The following AVEN variants were observed in gnomAD, a reference collection of about 807,000 sequenced individuals.
AVEN encodes apoptosis and caspase activation inhibitor.
Under a neutral mutation model 38.1 loss-of-function variants are expected in AVEN, and 41 were observed. The ratio of observed to expected loss-of-function variants is 1.08; its 90% CI spans 0.84 to 1.40. The LOEUF is 1.40. AVEN is among the 40% of genes most tolerant of loss of function. The probability of loss-of-function intolerance (pLI) is 0.00; values close to 1 mark genes in which losing one functional copy is unlikely to be tolerated. For missense variants in AVEN, 605 were observed against 438.8 expected (o/e 1.38, Z -3.38); for synonymous variants, 206 against 171.8 (o/e 1.20, Z -1.56).
chr15:33,882,635 G>C (rs1416508625), intron 2 of AVEN, among the ~76,000 whole-genome samples: 1 of 152,092 alleles, frequency 6.6e-6, no homozygotes, highest in Non-Finnish European at 1.5e-5. Flanking sequence ...GGGAGGCTGA[G>C]GTGGAAGGAT....
chr15:33,870,975 G>C lies in AVEN; in HGVS notation c.572C>G (p.Pro191Arg). ...ELLVRALQEL[P>R]LCLRLNVAAE... ...AGCAACGTTGAGTCGGAGGCAGAGA[G>C]GCAGCTCTTGAAGGGCTCGAACCAA... The change falls in exon 4 of 6, where the codon CCT (proline) becomes CGT (arginine). Residue 191 changes from proline (P) to arginine (R), a missense_variant. Coordinates refer to ENST00000306730, the MANE Select transcript of AVEN (RefSeq NM_020371.3). The C allele has an allele frequency of 1.2e-6, 2 of 1,611,386 alleles. No individual in the cohort carries two copies. Among genetic ancestry groups the C allele is most frequent in the South Asian group, 1.1e-5 (1 of 90,690 alleles).
chr15:33,996,888 G>A lies in AVEN; in HGVS notation c.445+6144C>T, dbSNP rs934198099. ...AGCTGACAGAAGTAGGCTTCGGAAG[G>A]CTGGTAATAACAAACTTCTCCCAGC... On this transcript the variant is annotated intron_variant, in intron 2 of 5. Transcript: ENST00000306730. Among the ~76,000 whole-genome samples the A allele has an allele frequency of 2.6e-5, 4 of 152,186 alleles. No homozygotes were observed. The South Asian group carries it at 8.3e-4, about 31-fold the overall frequency.
chr15:33,899,319 T>C (rs1224422530), intron 2 of AVEN, among the ~76,000 whole-genome samples: 1 of 152,152 alleles, frequency 6.6e-6, no homozygotes, highest in Non-Finnish European at 1.5e-5. Flanking sequence ...TACCATATGG[T>C]AGTAGAACTA....
chr15:33,912,407 A>G (rs763336679), intron 2 of AVEN, among the ~76,000 whole-genome samples: 2 of 152,252 alleles, frequency 1.3e-5, no homozygotes, highest in African/African-American at 2.4e-5. Context: ...AGGAAAGAGT[A>G]TGAAATAACC....
chr15:33,875,904 T>C, intron 3 of AVEN, 21 bp downstream of exon 3: 1 of 1,607,396 alleles, frequency 6.2e-7, no homozygotes, highest in South Asian at 1.1e-5. Context: ...CAGTCCACAC[T>C]TAACACAACT....
intron 1 of AVEN, among the ~76,000 whole-genome samples, chr15:34,013,668 T>C (rs1897735440): frequency 6.6e-6 from 1 of 152,110 alleles, no homozygotes; most frequent in African/African-American, 2.4e-5. Flanking sequence ...AGTAAACATA[T>C]ATAGTGTGAT....
chr15:34,025,486 GT>G (rs1455093080), intron 1 of AVEN, among the ~76,000 whole-genome samples: 1 of 152,174 alleles, frequency 6.6e-6, no homozygotes, highest in Non-Finnish European at 1.5e-5. Context: ...ACTCTCTTAA[GT>G]GTCCCTTCAT....
At chr15:34,023,522 C>G (rs1380807902) in intron 1 of AVEN, among the ~76,000 whole-genome samples, 1 of 152,206 alleles carries the variant, frequency 6.6e-6, no homozygotes, top group African/African-American at 2.4e-5. Context: ...AAAGCCTGGT[C>G]ATTCATTCTT....
At chr15:33,857,047 C>G (rs2079753123), downstream of AVEN, among the ~76,000 whole-genome samples, 1 of 152,156 alleles carries the variant, frequency 6.6e-6, no homozygotes, top group South Asian at 2.1e-4. Flanking sequence ...TAACAAAACA[C>G]AATGTATCCC....
At chr15:33,873,389 T>A (rs1891079386) in intron 3 of AVEN, among the ~76,000 whole-genome samples, 1 of 150,310 alleles carries the variant, frequency 6.7e-6, no homozygotes, top group Admixed American at 6.6e-5. Flanking sequence ...CGTGAGCCAC[T>A]GCGCCCGCCC....
At chr15:34,015,351 C>T (rs1039030273) in intron 1 of AVEN, among the ~76,000 whole-genome samples, 13 of 151,892 alleles carry the variant, frequency 8.6e-5, no homozygotes, top group African/African-American at 1.9e-4. Flanking sequence ...GGTGCGGTGG[C>T]GGGCACCTGT....
intron 2 of AVEN, among the ~76,000 whole-genome samples, chr15:33,980,459 C>G (rs1037441302): frequency 7.2e-5 from 11 of 152,182 alleles, no homozygotes; most frequent in Non-Finnish European, 1.3e-4. Context: ...TGCTGCCTCC[C>G]AGGCAACACG....
At chr15:34,000,674 T>C (rs180816787) in intron 2 of AVEN, among the ~76,000 whole-genome samples, 103 of 152,296 alleles carry the variant, frequency 6.8e-4, no homozygotes, top group Non-Finnish European at 1.1e-3. Context: ...GAGAATGAAG[T>C]TGACCTCTCG....
At chr15:33,919,854 T>C (rs1352361867) in intron 2 of AVEN, among the ~76,000 whole-genome samples, 3 of 152,208 alleles carry the variant, frequency 2.0e-5, no homozygotes, top group Non-Finnish European at 4.4e-5. Flanking sequence ...TCCAACAGAT[T>C]TCCATTCATA....
chr15:34,053,432 T>C (rs139907310), intron 5 of AVEN, among the ~76,000 whole-genome samples: 1,698 of 149,266 alleles, frequency 0.011, 41 homozygotes, highest in African/African-American at 0.04. Context: ...CAAACTGTAC[T>C]ACAAGGCTAC....
intron 2 of AVEN, among the ~76,000 whole-genome samples, chr15:34,069,140 G>A (rs1053197464): frequency 2.0e-5 from 3 of 151,872 alleles, no homozygotes; most frequent in Admixed American, 6.5e-5. Context: ...AAACAATTTC[G>A]GCTGGGCGCG....
intron 1 of AVEN, among the ~76,000 whole-genome samples, chr15:34,012,050 A>G (rs886711147): frequency 1.3e-5 from 2 of 152,182 alleles, no homozygotes; most frequent in African/African-American, 4.8e-5. Context: ...TGAGCTTCTT[A>G]TAAGAATTTG....
intron 2 of AVEN, among the ~76,000 whole-genome samples, chr15:33,909,286 C>T (rs1160983122): frequency 6.6e-6 from 1 of 152,006 alleles, no homozygotes; most frequent in Non-Finnish European, 1.5e-5. Flanking sequence ...CACAGGCTGG[C>T]AATTCAGAGA....
chr15:34,025,995 T>C (rs1898451547), intron 1 of AVEN, among the ~76,000 whole-genome samples: 1 of 152,180 alleles, frequency 6.6e-6, no homozygotes, highest in African/African-American at 2.4e-5. Flanking sequence ...TGTAGAATCG[T>C]CTTTTCAAAT....
Sources: allele counts gnomAD v4.1 joint callset (sites outside exome capture counted in the v4.1 genomes callset), GRCh38; gene constraint gnomAD v4.1.1; transcripts MANE v1.5; gene names NCBI Gene and HGNC (gene_info 2026-07-23, HGNC 2026-07-21).